ADCY8: variants seen among roughly 807,000 people sequenced by gnomAD.
The protein encoded by ADCY8 is adenylate cyclase type 8.
In ADCY8, 51 loss-of-function variants were observed where a neutral mutation model predicts 119.7. That is an observed-to-expected ratio of 0.43 (90% CI 0.34 to 0.54). The LOEUF is 0.54. Ranked by LOEUF, ADCY8 falls within the 20% of genes least tolerant of loss-of-function variation. ADCY8 has a pLI of 0.03. For missense variants in ADCY8, 1,383 were observed against 1,598.8 expected, an observed-to-expected ratio of 0.87 and a Z score of 2.30; for synonymous variants, 665 against 651.0, an observed-to-expected ratio of 1.02 and a Z score of -0.33.
intron 11 of ADCY8, among the ~76,000 whole-genome samples, chr8:130,838,608 C>G (rs1817058344): frequency 8.7e-6 from 1 of 114,750 alleles, no homozygotes; most frequent in African/African-American, 2.6e-5. Context: ...CGGTGCATGG[C>G]TTTTTGCAAA....
intron 7 of ADCY8, among the ~76,000 whole-genome samples, chr8:130,891,878 T>G (rs1414354995): frequency 1.3e-5 from 2 of 152,196 alleles, no homozygotes; most frequent in Non-Finnish European, 2.9e-5. Flanking sequence ...TAGTTAAGAT[T>G]GTTGCAACTT....
At chr8:130,866,030 C>T (rs1488245536) in intron 9 of ADCY8, among the ~76,000 whole-genome samples, 3 of 152,134 alleles carry the variant, frequency 2.0e-5, no homozygotes, top group Non-Finnish European at 2.9e-5. Context: ...ATGCCCAGTA[C>T]TTCTTTCTGC....
chr8:131,010,457 T>C (rs1352083538), intron 1 of ADCY8, among the ~76,000 whole-genome samples: 2 of 152,190 alleles, frequency 1.3e-5, no homozygotes, highest in Non-Finnish European at 2.9e-5. Context: ...TGCAGTGGAA[T>C]GTTCACATCT....
At chr8:130,940,469 C>T (rs1044230099) in intron 4 of ADCY8, among the ~76,000 whole-genome samples, 2 of 151,978 alleles carry the variant, frequency 1.3e-5, no homozygotes, top group Non-Finnish European at 2.9e-5. Flanking sequence ...ATCCCAAATA[C>T]ATGGTTGTAT....
intron 6 of ADCY8, among the ~76,000 whole-genome samples, chr8:130,905,262 A>G (rs907403120): frequency 1.3e-5 from 2 of 152,192 alleles, no homozygotes; most frequent in Admixed American, 6.5e-5. Flanking sequence ...GCAGAAGACT[A>G]TTGTCAGGCC....
intron 7 of ADCY8, among the ~76,000 whole-genome samples, chr8:130,886,589 C>T (rs1045399254): frequency 2.0e-5 from 3 of 152,032 alleles, no homozygotes; most frequent in South Asian, 2.1e-4. Flanking sequence ...CTCCATTTTC[C>T]GTCTTGGAGA....
chr8:130,851,543 C>A (rs925609788), intron 9 of ADCY8, among the ~76,000 whole-genome samples: 7 of 152,090 alleles, frequency 4.6e-5, no homozygotes, highest in African/African-American at 1.7e-4. Flanking sequence ...AGGAAGTAAT[C>A]AGATCTGCGT....
intron 15 of ADCY8, among the ~76,000 whole-genome samples, chr8:130,789,208 T>C (rs148797040): frequency 0.014 from 2,114 of 152,242 alleles, 27 homozygotes; most frequent in Non-Finnish European, 0.017. Context: ...TTAAAATAAT[T>C]ACATAAAACC....
intron 1 of ADCY8, among the ~76,000 whole-genome samples, chr8:131,009,866 G>C (rs1464201889): frequency 6.6e-6 from 1 of 152,166 alleles, no homozygotes; most frequent in African/African-American, 2.4e-5. Context: ...GGAAGCATTT[G>C]GGGAGGTAAA....
At chr8:130,893,580 G>T (rs1420963712) in intron 7 of ADCY8, among the ~76,000 whole-genome samples, 1 of 152,054 alleles carries the variant, frequency 6.6e-6, no homozygotes, top group African/African-American at 2.4e-5. Context: ...CATATATCCA[G>T]ACCTAAGTTA....
At position 131,040,334 on chromosome 8, in the gene ADCY8, G is replaced by A. The variant is rs1239702183; in HGVS notation, c.-1C>T. ...GGCAGCGCACATCGGAGAGCTCCAT[G>A]GCTCTGGGCCGCAGGGAAGGAGGCC... On this transcript the variant is annotated 5_prime_UTR_variant, in exon 1 of 18. Coordinates refer to ENST00000286355, the MANE Select transcript of ADCY8 (RefSeq NM_001115.3). The A allele has an allele frequency of 6.0e-6, 9 of 1,495,948 alleles. No individual in the cohort carries two copies. In the Admixed American group the frequency reaches 2.1e-4, roughly 35 times the overall value. The allele number at this position is 1,495,948 out of a possible 1,614,324, so 92.7% of individuals were successfully genotyped here. A position where few individuals can be genotyped will look rare whatever the true frequency, so the allele number is the denominator to read the frequency against.
At chr8:130,961,101 A>G (rs936707899) in intron 2 of ADCY8, among the ~76,000 whole-genome samples, 2 of 152,000 alleles carry the variant, frequency 1.3e-5, no homozygotes, top group East Asian at 3.9e-4. Flanking sequence ...AAAATCTCCA[A>G]TCACTTTCTT....
At chr8:130,953,032 G>A (rs1282203431) in intron 2 of ADCY8, among the ~76,000 whole-genome samples, 1 of 152,150 alleles carries the variant, frequency 6.6e-6, no homozygotes, top group Non-Finnish European at 1.5e-5. Flanking sequence ...GAAAGTAATG[G>A]GTTAACTAGC....
At chr8:130,850,670 A>G (rs1481172170) in intron 9 of ADCY8, among the ~76,000 whole-genome samples, 6 of 152,200 alleles carry the variant, frequency 3.9e-5, no homozygotes, top group Admixed American at 1.3e-4. Flanking sequence ...GAAATTTTAT[A>G]TCTGCTCCTT....
At chr8:130,864,188 A>C (rs1188707055) in intron 9 of ADCY8, among the ~76,000 whole-genome samples, 1 of 152,158 alleles carries the variant, frequency 6.6e-6, no homozygotes, top group Non-Finnish European at 1.5e-5. Flanking sequence ...GTTCCTCTAC[A>C]GGTAAGGCAG....
intron 15 of ADCY8, among the ~76,000 whole-genome samples, chr8:130,786,106 T>G (rs538096943): frequency 1.3e-5 from 2 of 152,334 alleles, no homozygotes; most frequent in South Asian, 4.1e-4. Context: ...ATACATATTC[T>G]TATCTTCCTT....
intron 5 of ADCY8, among the ~76,000 whole-genome samples, chr8:130,924,589 C>T (rs1004937029): frequency 6.6e-6 from 1 of 152,164 alleles, no homozygotes; most frequent in Admixed American, 6.5e-5. Context: ...CTCTAGGTCT[C>T]ATCTTCAGCC....
chr8:130,993,857 G>T (rs1463387425), intron 1 of ADCY8, among the ~76,000 whole-genome samples: 10 of 152,188 alleles, frequency 6.6e-5, no homozygotes, highest in Admixed American at 5.2e-4. Flanking sequence ...TAATTAGATA[G>T]TAGAAATTCT....
intron 1 of ADCY8, among the ~76,000 whole-genome samples, chr8:131,000,838 G>T (rs1563762575): frequency 6.6e-6 from 1 of 151,914 alleles, no homozygotes; most frequent in African/African-American, 2.4e-5. Context: ...GAGACAACAC[G>T]CACCTTGGGA....
Sources: allele counts gnomAD v4.1 joint callset (sites outside exome capture counted in the v4.1 genomes callset), GRCh38; gene constraint gnomAD v4.1.1; transcripts MANE v1.5; gene names NCBI Gene and HGNC (gene_info 2026-07-23, HGNC 2026-07-21).